ENOX2: variants seen among roughly 807,000 people sequenced by gnomAD.
ENOX2 encodes the protein APK1 antigen.
A neutral mutation model predicts 45.0 loss-of-function variants in ENOX2; 36 were observed. The ratio of observed to expected loss-of-function variants is 0.80; its 90% CI spans 0.61 to 1.06. The LOEUF (loss-of-function observed/expected upper bound fraction) is 1.06. Ranked by LOEUF, ENOX2 falls within the 50% of genes least tolerant of loss-of-function variation. The probability of loss-of-function intolerance (pLI) is 0.00; values close to 1 mark genes in which losing one functional copy is unlikely to be tolerated. For missense variants in ENOX2, 423 were observed against 462.5 expected (o/e 0.91, Z 0.78); for synonymous variants, 174 against 152.3 (o/e 1.14, Z -1.05).
chrX:130,782,618 C>T (rs1470413947), intron 3 of ENOX2, among the ~76,000 whole-genome samples: 1 of 111,765 alleles, frequency 8.9e-6, no homozygotes, highest in Non-Finnish European at 1.9e-5. Flanking sequence ...CATTTGTAAA[C>T]ATGTTCCATT....
At chrX:130,679,500 C>T (rs371429331) in intron 6 of ENOX2, 42 bp downstream of exon 6, 176 of 1,040,423 alleles carry the variant, frequency 1.7e-4, no homozygotes, top group Non-Finnish European at 2.1e-4. Context: ...TTAATATCTG[C>T]GTTGTGCCTG....
At chrX:130,680,351 T>A (rs73229065) in intron 5 of ENOX2, among the ~76,000 whole-genome samples, 298 of 111,795 alleles carry the variant, frequency 2.7e-3, no homozygotes, top group Non-Finnish European at 4.7e-3. Flanking sequence ...GAGCCTTTCC[T>A]CAAATTCCTT....
At chrX:130,888,433 T>C (rs1183746248) in intron 2 of ENOX2, among the ~76,000 whole-genome samples, 2 of 112,201 alleles carry the variant, frequency 1.8e-5, no homozygotes, top group South Asian at 3.7e-4. Flanking sequence ...TACAACTTTC[T>C]AACTATGTGA....
chrX:130,763,191 C>T (rs2039533926), intron 3 of ENOX2, among the ~76,000 whole-genome samples: 1 of 111,123 alleles, frequency 9.0e-6, no homozygotes, highest in Non-Finnish European at 1.9e-5. Flanking sequence ...GTTCTTTCTT[C>T]CTTCCTGATG....
chrX:130,681,628 A>G (rs1799091582), intron 5 of ENOX2, among the ~76,000 whole-genome samples: 1 of 111,622 alleles, frequency 9.0e-6, no homozygotes, highest in Admixed American at 9.5e-5. Context: ...AAAATTATAT[A>G]ACCCCTGAAA....
Position 130,711,057 on chromosome X carries a change from T to C in ENOX2, c.-38-7803A>G, listed in dbSNP as rs1396758166. ...ATAGTAGGCATTCGAGAAGTATTTG[T>C]TGTGAAAAGATGACACAGGGGCAGG... On this transcript the variant is annotated intron_variant, in intron 3 of 14. Coordinates refer to ENST00000394363, the MANE Select transcript of ENOX2 (RefSeq NM_006375.4). Among the ~76,000 whole-genome samples, 3 of 111,898 alleles carry C rather than the reference T, an allele frequency of 2.7e-5. No homozygotes were observed. In the Admixed American group the frequency reaches 2.8e-4, roughly 11 times the overall value.
chrX:130,694,695 C>T (rs112361061), intron 4 of ENOX2, among the ~76,000 whole-genome samples: 14 of 106,620 alleles, frequency 1.3e-4, no homozygotes, highest in African/African-American at 2.7e-4. Flanking sequence ...CTCTGCCTCC[C>T]GGGTTCAAGC....
intron 2 of ENOX2, among the ~76,000 whole-genome samples, chrX:130,858,114 CTTTT>C (rs772117481): frequency 2.2e-5 from 2 of 92,512 alleles, no homozygotes; most frequent in Admixed American, 1.2e-4. Context: ...GGGCTTTTTC[CTTTT>C]TTTTTTTTTT....
intron 6 of ENOX2, among the ~76,000 whole-genome samples, chrX:130,673,082 C>T (rs1192468234): frequency 8.9e-6 from 1 of 112,189 alleles, no homozygotes; most frequent in East Asian, 2.8e-4. Flanking sequence ...CACCTACTCA[C>T]CAGGAGGTTA....
intron 4 of ENOX2, among the ~76,000 whole-genome samples, chrX:130,698,192 G>A (rs1282867595): frequency 8.9e-6 from 1 of 111,789 alleles, no homozygotes; most frequent in Non-Finnish European, 1.9e-5. Flanking sequence ...ATACATTTTT[G>A]TTGAAGTAAA....
At chrX:130,893,108 C>G (rs2079008725) in intron 2 of ENOX2, among the ~76,000 whole-genome samples, 1 of 111,933 alleles carries the variant, frequency 8.9e-6, no homozygotes, top group South Asian at 3.7e-4. Flanking sequence ...AAGTATAAAG[C>G]AAATAGGGCA....
intron 2 of ENOX2, among the ~76,000 whole-genome samples, chrX:130,856,528 A>T (rs776198661): frequency 9.0e-6 from 1 of 111,729 alleles, no homozygotes; most frequent in East Asian, 2.8e-4. Flanking sequence ...ACTCCTAGTG[A>T]TTCACAAGCA....
chrX:130,792,179 C>T (rs1427799889), intron 2 of ENOX2, among the ~76,000 whole-genome samples: 1 of 112,172 alleles, frequency 8.9e-6, no homozygotes, highest in East Asian at 2.8e-4. Flanking sequence ...TATGTTCTCA[C>T]TTATAAGTGG....
chrX:130,638,413 T>C (rs1397425839), intron 10 of ENOX2, among the ~76,000 whole-genome samples: 6 of 103,560 alleles, frequency 5.8e-5, no homozygotes, highest in Non-Finnish European at 1.2e-4. Context: ...TTAAAATAAC[T>C]GTTAAACAAC....
intron 2 of ENOX2, among the ~76,000 whole-genome samples, chrX:130,831,215 C>T (rs954716407): frequency 9.0e-6 from 1 of 111,509 alleles, no homozygotes; most frequent in African/African-American, 3.3e-5. Flanking sequence ...ATACTGTTAA[C>T]ATTGGCAATG....
intron 10 of ENOX2, among the ~76,000 whole-genome samples, chrX:130,640,428 T>C (rs1383439908): frequency 8.9e-6 from 1 of 112,025 alleles, no homozygotes; most frequent in African/African-American, 3.2e-5. Flanking sequence ...ATATAAATCA[T>C]TGTATTATAA....
At chrX:130,750,092 T>C (rs1353485604) in intron 3 of ENOX2, among the ~76,000 whole-genome samples, 1 of 110,829 alleles carries the variant, frequency 9.0e-6, no homozygotes, top group East Asian at 2.8e-4. Flanking sequence ...TGTCTATCTG[T>C]CTCTGACCAA....
At chrX:130,890,833 A>G (rs1297374728) in intron 2 of ENOX2, among the ~76,000 whole-genome samples, 1 of 112,930 alleles carries the variant, frequency 8.9e-6, no homozygotes, top group East Asian at 2.8e-4. Flanking sequence ...ATCTTGGTCA[A>G]GTCACTTCTA....
At chrX:130,733,590 T>G (rs756399971) in intron 3 of ENOX2, among the ~76,000 whole-genome samples, 27 of 112,539 alleles carry the variant, frequency 2.4e-4, no homozygotes, top group Middle Eastern at 9.2e-3. Flanking sequence ...ATGGTAAAAC[T>G]GTGGCAAGCC....
Sources: gnomAD v4.1 joint callset for allele counts (sites outside exome capture counted in the v4.1 genomes callset) on GRCh38, gnomAD v4.1.1 for gene constraint, MANE v1.5 for transcripts, NCBI Gene and HGNC (gene_info 2026-07-23, HGNC 2026-07-21) for gene names.